SNX24: variants seen among roughly 807,000 people sequenced by gnomAD.
SNX24 encodes sorting nexin 24, also known as sorting nexin-24.
In SNX24, 22 loss-of-function variants were observed where a neutral mutation model predicts 28.7. The observed-to-expected ratio is 0.77, with a 90% CI of 0.55 to 1.10. The LOEUF (loss-of-function observed/expected upper bound fraction) is 1.10. Ranked by LOEUF, SNX24 falls within the 50% of genes least tolerant of loss-of-function variation. SNX24 has a pLI of 0.00. For synonymous variants in SNX24, 69 were observed against 71.5 expected (o/e 0.96, Z 0.18); for missense variants, 221 against 201.1 (o/e 1.10, Z -0.60).
chr5:122,904,653 CATT>C, intron 1 of SNX24, among the ~76,000 whole-genome samples: 1 of 152,238 alleles, frequency 6.6e-6, no homozygotes, highest in East Asian at 1.9e-4. Flanking sequence ...TTTATAGACT[CATT>C]AATAATTTAC....
chr5:122,898,359 G>C (rs1757292375), intron 1 of SNX24, among the ~76,000 whole-genome samples: 1 of 152,240 alleles, frequency 6.6e-6, no homozygotes, highest in South Asian at 2.1e-4. Flanking sequence ...CAATTAAAAT[G>C]CACTGGGGAT....
chr5:122,857,570 C>G (rs906653191), intron 1 of SNX24, among the ~76,000 whole-genome samples: 1 of 151,992 alleles, frequency 6.6e-6, no homozygotes, highest in African/African-American at 2.4e-5. Flanking sequence ...TGTCCTTCAC[C>G]CTCCAGTAGG....
At chr5:123,019,492 A>G (rs568039296) in intron 5 of SNX24, among the ~76,000 whole-genome samples, 1 of 152,368 alleles carries the variant, frequency 6.6e-6, no homozygotes, top group South Asian at 2.1e-4. Flanking sequence ...CCTGTTCAAA[A>G]TTCATCAGAA....
At position 122,845,650 on chromosome 5, in the gene SNX24, C is replaced by A; in HGVS notation, c.17C>A (p.Pro6Gln). The A allele has an allele frequency of 7.0e-7, 1 of 1,432,632 alleles. No individual in the cohort carries two copies. 88.7% of individuals were successfully genotyped at this position (1,432,632 alleles called of 1,614,324 possible). Residue 6 changes from proline to glutamine, a missense_variant, in exon 1 of 7, where the codon CCG becomes CAG. By Grantham distance (76) the Pro-to-Gln change is moderately conservative. Coordinates refer to ENST00000261369, the MANE Select transcript of SNX24 (RefSeq NM_014035.4). ...GGCGCGGCCATGGAGGTCTACATCC[C>A]GTCCTTTCGCTATGAAGAGAGCGAC... MEVYIPSFRYEESDLE... is the reference protein window; with the variant it reads MEVYIQSFRYEESDLE...
At chr5:122,898,905 A>G (rs1581721165) in intron 1 of SNX24, among the ~76,000 whole-genome samples, 1 of 152,216 alleles carries the variant, frequency 6.6e-6, no homozygotes, top group Non-Finnish European at 1.5e-5. Flanking sequence ...TTCACAAATC[A>G]GAGTTTAGGA....
At chr5:122,853,115 C>CTTTTTTT (rs10530519) in intron 1 of SNX24, among the ~76,000 whole-genome samples, 1 of 71,588 alleles carries the variant, frequency 1.4e-5, no homozygotes, top group African/African-American at 5.8e-5. Flanking sequence ...GTTCTTTAGC[C>CTTTTTTT]TTTTTTTTTT....
intron 1 of SNX24, among the ~76,000 whole-genome samples, chr5:122,898,170 T>G (rs1029688117): frequency 1.3e-5 from 2 of 152,188 alleles, no homozygotes; most frequent in African/African-American, 4.8e-5. Context: ...AAGAATGACT[T>G]AAGGAAGATT....
In SNX24 at chr5:122,966,076, A is replaced by G. The variant is rs187947084; in HGVS notation, c.249+19917A>G. ...CGTATTTCCTATGATTTTTAGTGCCAAAAACTGTTTTTTTCCAAAATCTAC... is the reference window on the plus strand; with the variant it reads ...CGTATTTCCTATGATTTTTAGTGCCGAAAACTGTTTTTTTCCAAAATCTAC... On this transcript the variant is annotated intron_variant, in intron 3 of 6. Transcript: ENST00000261369. Among the ~76,000 whole-genome samples the G allele has an allele frequency of 4.0e-3, 605 of 152,204 alleles. 3 individuals are homozygous for G. Among genetic ancestry groups the G allele is most frequent in the African/African-American group, 0.014 (579 of 41,442 alleles).
intron 3 of SNX24, among the ~76,000 whole-genome samples, chr5:122,967,440 G>A (rs2150144009): frequency 6.6e-6 from 1 of 152,294 alleles, no homozygotes; most frequent in South Asian, 2.1e-4. Context: ...ATGAGCGCCT[G>A]TGGGAAGCTG....
chr5:122,859,040 G>C lies in SNX24; in HGVS notation c.60+13347G>C, dbSNP rs78838306. On this transcript the variant is annotated intron_variant, in intron 1 of 6. Transcript: ENST00000261369. Reference sequence around the variant, plus strand: ...TAGAATTACAGGTGTGAGCAACCAGGACCAGCCTGACCTTGTCTGTTTTAA... The same window carrying C: ...TAGAATTACAGGTGTGAGCAACCAGCACCAGCCTGACCTTGTCTGTTTTAA... Among the ~76,000 whole-genome samples the C allele has an allele frequency of 3.5e-4, 54 of 152,236 alleles. No individual in the cohort carries two copies. The East Asian group carries it at 0.01, about 28-fold the overall frequency.
At chr5:122,908,403 G>A (rs1167633735) in intron 1 of SNX24, among the ~76,000 whole-genome samples, 3 of 152,064 alleles carry the variant, frequency 2.0e-5, no homozygotes, top group Admixed American at 2.0e-4. Context: ...CATCTCCTTG[G>A]GGTAACTGAT....
chr5:122,922,763 C>A (rs760673034), intron 1 of SNX24, among the ~76,000 whole-genome samples: 2 of 152,092 alleles, frequency 1.3e-5, no homozygotes, highest in Admixed American at 6.6e-5. Flanking sequence ...GCCAGGTAAT[C>A]GCTTTCTAAA....
At chr5:122,886,917 C>G (rs779310699) in intron 1 of SNX24, among the ~76,000 whole-genome samples, 1 of 152,070 alleles carries the variant, frequency 6.6e-6, no homozygotes, top group African/African-American at 2.4e-5. Flanking sequence ...CTCCCTCATC[C>G]CACTTTTGTT....
At chr5:122,894,940 T>A (rs543816250) in intron 1 of SNX24, among the ~76,000 whole-genome samples, 9 of 151,412 alleles carry the variant, frequency 5.9e-5, no homozygotes, top group African/African-American at 2.2e-4. Flanking sequence ...AGTAAATAAA[T>A]GCTTAATAAA....
At chr5:123,007,548 A>G in intron 6 of SNX24, 134 bp from the exon 7 acceptor site, 1 of 810,012 alleles carries the variant, frequency 1.2e-6, no homozygotes, top group Non-Finnish European at 1.9e-6. Context: ...AACCAGGCAC[A>G]TGCCTGGCGA....
chr5:122,894,279 T>A (rs960556655), intron 1 of SNX24, among the ~76,000 whole-genome samples: 1 of 152,192 alleles, frequency 6.6e-6, no homozygotes, highest in Non-Finnish European at 1.5e-5. Flanking sequence ...GGTTTGTACT[T>A]CTTGTGTTTC....
intron 1 of SNX24, among the ~76,000 whole-genome samples, chr5:122,913,071 T>C (rs1354946402): frequency 1.3e-5 from 2 of 152,232 alleles, no homozygotes; most frequent in Non-Finnish European, 2.9e-5. Context: ...AGAAGAATTT[T>C]TCTTAGTACA....
chr5:122,975,520 A>C (rs1761129980), intron 3 of SNX24, among the ~76,000 whole-genome samples: 1 of 152,168 alleles, frequency 6.6e-6, no homozygotes, highest in East Asian at 1.9e-4. Flanking sequence ...TTTTGAAATT[A>C]AGCGGCATAA....
At chr5:122,953,544 G>A (rs528661765) in intron 3 of SNX24, among the ~76,000 whole-genome samples, 5 of 149,348 alleles carry the variant, frequency 3.3e-5, no homozygotes, top group African/African-American at 9.8e-5. Flanking sequence ...AAAAACAAAC[G>A]ATGGGCAAGG....
Sources: gnomAD v4.1 joint callset for allele counts (sites outside exome capture counted in the v4.1 genomes callset) on GRCh38, gnomAD v4.1.1 for gene constraint, MANE v1.5 for transcripts, NCBI Gene and HGNC (gene_info 2026-07-23, HGNC 2026-07-21) for gene names.